Variants in FSTL5 observed in about 807,000 individuals in gnomAD.
The protein encoded by FSTL5 is follistatin-related protein 5.
In FSTL5, 62 loss-of-function variants were observed where a neutral mutation model predicts 89.1. That is an observed-to-expected ratio of 0.70 (90% CI 0.57 to 0.86). FSTL5 has a LOEUF of 0.86. Among genes scored for constraint, FSTL5 ranks in the 40% least tolerant of loss-of-function variants. FSTL5 has a pLI of 0.00. For missense variants in FSTL5, 1,057 were observed against 1,001.6 expected (o/e 1.06, Z -0.75); for synonymous variants, 383 against 346.2 (o/e 1.11, Z -1.18).
At chr4:161,877,274 G>T (rs994001066) in intron 4 of FSTL5, among the ~76,000 whole-genome samples, 1 of 150,050 alleles carries the variant, frequency 6.7e-6, no homozygotes, top group African/African-American at 2.4e-5. Flanking sequence ...TAATATAGTA[G>T]AATATGGTAT....
chr4:161,791,378 T>C (rs1332346816), intron 4 of FSTL5, among the ~76,000 whole-genome samples: 2 of 143,922 alleles, frequency 1.4e-5, no homozygotes, highest in Non-Finnish European at 3.0e-5. Flanking sequence ...ATTAGTAATT[T>C]CAAGTATCTT....
intron 15 of FSTL5, among the ~76,000 whole-genome samples, chr4:161,414,619 A>T (rs2110946733): frequency 1.3e-5 from 2 of 152,304 alleles, no homozygotes; most frequent in Non-Finnish European, 2.9e-5. Context: ...TAGGAAAATC[A>T]ATGTAGGTCC....
At chr4:161,548,736 A>G (rs1732092178) in intron 8 of FSTL5, among the ~76,000 whole-genome samples, 1 of 151,812 alleles carries the variant, frequency 6.6e-6, no homozygotes, top group Admixed American at 6.6e-5. Context: ...CAAGAACATT[A>G]TAATTGCCAT....
At chr4:161,770,384 T>G (rs1224486387) in intron 5 of FSTL5, among the ~76,000 whole-genome samples, 1 of 152,032 alleles carries the variant, frequency 6.6e-6, no homozygotes, top group African/African-American at 2.4e-5. Flanking sequence ...GATAGATGCT[T>G]GAGGTGATGG....
At chr4:161,412,145 A>T (rs1422927310) in intron 15 of FSTL5, among the ~76,000 whole-genome samples, 2 of 152,128 alleles carry the variant, frequency 1.3e-5, no homozygotes, top group South Asian at 4.2e-4. Context: ...AGGGTGAAAG[A>T]CCTCTACAAA....
intron 10 of FSTL5, among the ~76,000 whole-genome samples, chr4:161,532,153 G>C (rs1028299651): frequency 6.6e-6 from 1 of 151,422 alleles, no homozygotes; most frequent in Admixed American, 6.6e-5. Context: ...TACAGTGAGC[G>C]GAGATCACGC....
chr4:162,051,899 G>A (rs992457480), intron 2 of FSTL5, among the ~76,000 whole-genome samples: 17 of 151,412 alleles, frequency 1.1e-4, no homozygotes, highest in Non-Finnish European at 2.5e-4. Context: ...TATTCATCTG[G>A]TGTAAGAGGT....
In FSTL5 at chr4:161,398,827, A is replaced by C. The variant is rs78726308; in HGVS notation, c.1842-12378T>G. Reference sequence around the variant, plus strand: ...GATACTAACTCACTTCTGGTCAACTATTCTGAGGAAATAACAATAAATATG... The same window carrying C: ...GATACTAACTCACTTCTGGTCAACTCTTCTGAGGAAATAACAATAAATATG... On this transcript the variant is annotated intron_variant, in intron 15 of 15. Coordinates refer to ENST00000306100, the MANE Select transcript of FSTL5 (RefSeq NM_020116.5). Among the ~76,000 whole-genome samples the C allele has an allele frequency of 4.3e-3, 657 of 152,206 alleles. 5 individuals are homozygous for C. Among genetic ancestry groups the C allele is most frequent in the African/African-American group, 0.012 (493 of 41,554 alleles).
At chr4:161,826,193 G>A (rs754691306) in intron 4 of FSTL5, among the ~76,000 whole-genome samples, 1 of 151,940 alleles carries the variant, frequency 6.6e-6, no homozygotes, top group Non-Finnish European at 1.5e-5. Context: ...TTGTTTTGAG[G>A]GCTCCTTTTG....
At chr4:162,138,762 G>T (rs910351009) in intron 1 of FSTL5, among the ~76,000 whole-genome samples, 1 of 152,032 alleles carries the variant, frequency 6.6e-6, no homozygotes, top group African/African-American at 2.4e-5. Context: ...GAATAAGTAA[G>T]ATTTGATGAA....
intron 3 of FSTL5, among the ~76,000 whole-genome samples, chr4:162,028,745 G>A (rs1407887924): frequency 1.3e-5 from 2 of 152,046 alleles, no homozygotes; most frequent in African/African-American, 4.8e-5. Flanking sequence ...CTCATATAGG[G>A]CTAAAATACA....
intron 3 of FSTL5, among the ~76,000 whole-genome samples, chr4:162,026,450 G>T (rs900921315): frequency 2.0e-5 from 3 of 151,672 alleles, no homozygotes; most frequent in Non-Finnish European, 2.9e-5. Flanking sequence ...TGGAATTACA[G>T]GTGCCCACCA....
At chr4:162,005,414 G>C (rs1239560496) in intron 3 of FSTL5, among the ~76,000 whole-genome samples, 1 of 152,016 alleles carries the variant, frequency 6.6e-6, no homozygotes, top group Non-Finnish European at 1.5e-5. Context: ...TTGGTAGCCC[G>C]CCACCTATAT....
chr4:161,834,252 A>AT (rs1553969705), intron 4 of FSTL5, among the ~76,000 whole-genome samples: 1 of 152,056 alleles, frequency 6.6e-6, no homozygotes, highest in Non-Finnish European at 1.5e-5. Context: ...AAATTCAACA[A>AT]CCTTCATGCT....
intron 6 of FSTL5, among the ~76,000 whole-genome samples, chr4:161,718,752 T>C (rs1251544575): frequency 2.0e-5 from 3 of 152,036 alleles, no homozygotes; most frequent in African/African-American, 7.2e-5. Context: ...TAATATAAAC[T>C]ATGGAGCTTC....
chr4:161,862,222 G>T (rs1731939162), intron 4 of FSTL5, among the ~76,000 whole-genome samples: 1 of 152,158 alleles, frequency 6.6e-6, no homozygotes, highest in Non-Finnish European at 1.5e-5. Context: ...CAACATAAAT[G>T]ATTATTGTAT....
chr4:162,105,084 T>C (rs1447958802), intron 2 of FSTL5, among the ~76,000 whole-genome samples: 2 of 152,280 alleles, frequency 1.3e-5, no homozygotes, highest in South Asian at 2.1e-4. Flanking sequence ...CCCAGATTTA[T>C]TGACGTAAAA....
intron 4 of FSTL5, among the ~76,000 whole-genome samples, chr4:161,895,080 T>C (rs1733112542): frequency 6.6e-6 from 1 of 152,156 alleles, no homozygotes; most frequent in Non-Finnish European, 1.5e-5. Flanking sequence ...TGTTATCCAT[T>C]TGCTAGATAA....
rs145555000 is a variant in FSTL5, at chr4:161,673,663, T to G, written c.728-17169A>C. 6.0e-3 allele frequency among the ~76,000 whole-genome samples: 920 copies of G among 152,106 alleles called. 9 individuals are homozygous for G. The highest frequency in any genetic ancestry group is 0.046 in the South Asian group (220 of 4,830). ...TTGTAATAAATAAATGTTAACAAAG[T>G]ATAGTTCTAGTGTCAAATGTCACTA... On this transcript the variant is annotated intron_variant, in intron 6 of 15. Transcript: ENST00000306100.
Sources: gnomAD v4.1 joint callset for allele counts (sites outside exome capture counted in the v4.1 genomes callset) on GRCh38, gnomAD v4.1.1 for gene constraint, MANE v1.5 for transcripts, NCBI Gene and HGNC (gene_info 2026-07-23, HGNC 2026-07-21) for gene names.